The following KCNH7 variants were observed in gnomAD, a reference collection of about 807,000 sequenced individuals.
KCNH7 encodes potassium voltage-gated channel subfamily H member 7.
KCNH7 carries 49 observed loss-of-function variants against 120.8 expected under a neutral mutation model. The observed-to-expected ratio is 0.41, with a 90% CI of 0.32 to 0.51. KCNH7 has a LOEUF of 0.51. KCNH7 is among the 20% of genes least tolerant of loss of function. The pLI is 0.38. For synonymous variants in KCNH7, 547 were observed against 516.1 expected (o/e 1.06, Z -0.81); for missense variants, 1,097 against 1,446.6 (o/e 0.76, Z 3.92).
intron 2 of KCNH7, among the ~76,000 whole-genome samples, chr2:162,657,743 T>C (rs572910197): frequency 1.3e-5 from 2 of 152,294 alleles, no homozygotes; most frequent in African/African-American, 2.4e-5. Context: ...TGTTAGAAAC[T>C]GCCAAACTGT....
chr2:162,593,117 T>C (rs990618795), intron 2 of KCNH7, among the ~76,000 whole-genome samples: 5 of 152,118 alleles, frequency 3.3e-5, no homozygotes, highest in Admixed American at 6.6e-5. Flanking sequence ...TTCATAATCA[T>C]ATTTTTGGCA....
chr2:162,646,129 C>G (rs1330410056), intron 2 of KCNH7, among the ~76,000 whole-genome samples: 2 of 152,148 alleles, frequency 1.3e-5, no homozygotes, highest in African/African-American at 2.4e-5. Context: ...CCAGGAAAAA[C>G]AAGAAGAGAG....
chr2:162,836,645 C>T lies in KCNH7; in HGVS notation c.199G>A (p.Asp67Asn), dbSNP rs138091231. ...TTGGTCTCGGGTCCATGGAGAAAGT[C>T]GCAGGTGCATGGCTTTTGCATGACA... ...PDVMQKPCTC[D>N]FLHGPETKRH... Residue 67 changes from aspartate to asparagine, a missense_variant, in exon 2 of 16, where the codon GAC (aspartate) becomes AAC (asparagine). Asp to Asn is a conservative substitution (Grantham distance 23, BLOSUM62 1). Coordinates refer to ENST00000332142, the MANE Select transcript of KCNH7 (RefSeq NM_033272.4). 4.6e-5 allele frequency: 75 copies of T among 1,614,088 alleles called. No homozygotes were observed. In the Admixed American group the frequency reaches 1.2e-3, roughly 26 times the overall value.
intron 2 of KCNH7, among the ~76,000 whole-genome samples, chr2:162,641,824 ATC>A (rs1684168062): frequency 7.1e-6 from 1 of 140,576 alleles, no homozygotes; most frequent in African/African-American, 2.9e-5. Flanking sequence ...TGGAAATGGG[ATC>A]TCTCTACATT....
intron 13 of KCNH7, among the ~76,000 whole-genome samples, chr2:162,383,091 T>A (rs1686470988): frequency 6.6e-6 from 1 of 151,942 alleles, no homozygotes; most frequent in South Asian, 2.1e-4. Context: ...GCATGAGAAT[T>A]CATTGTCAGT....
chr2:162,434,114 T>C (rs901170884), intron 8 of KCNH7, among the ~76,000 whole-genome samples: 1 of 152,016 alleles, frequency 6.6e-6, no homozygotes, highest in Non-Finnish European at 1.5e-5. Flanking sequence ...TTATCCTAAG[T>C]GAATTAATAC....
At chr2:162,790,393 G>A (rs139354938) in intron 2 of KCNH7, among the ~76,000 whole-genome samples, 2,419 of 151,962 alleles carry the variant, frequency 0.016, 59 homozygotes, top group African/African-American at 0.05. Context: ...CTTCTCTGGT[G>A]AATTCTACCA....
At chr2:162,409,187 A>G (rs1687315901) in intron 9 of KCNH7, among the ~76,000 whole-genome samples, 1 of 151,912 alleles carries the variant, frequency 6.6e-6, no homozygotes, top group South Asian at 2.1e-4. Context: ...AATCTTTCAA[A>G]GATCTGCTGA....
rs1469804640 is a variant in KCNH7, at chr2:162,630,921, C to G, written c.308-93841G>C. The stretch of plus-strand genomic sequence containing the variant: ...CCAGTCTAATCTCCCCGATCAGGTT[C>G]CAGGTAGCTGGGAGAGTCCTGGCAT... On this transcript the variant is annotated intron_variant, in intron 2 of 15. Coordinates refer to ENST00000332142, the MANE Select transcript of KCNH7 (RefSeq NM_033272.4). 1.3e-5 allele frequency among the ~76,000 whole-genome samples: 2 copies of G among 152,072 alleles called. 1 individual carries two copies. Among genetic ancestry groups the G allele is most frequent in the African/African-American group, 4.8e-5 (2 of 41,426 alleles).
intron 12 of KCNH7, among the ~76,000 whole-genome samples, chr2:162,385,859 G>C (rs1007693161): frequency 6.6e-6 from 1 of 151,892 alleles, no homozygotes; most frequent in Non-Finnish European, 1.5e-5. Context: ...CCATGCCAGA[G>C]AAACTTCCAA....
chr2:162,608,641 G>C (rs1352042838), intron 2 of KCNH7, among the ~76,000 whole-genome samples: 1 of 152,062 alleles, frequency 6.6e-6, no homozygotes, highest in East Asian at 1.9e-4. Context: ...TCCGCTGAAG[G>C]TTCCATGCAT....
rs890878468 is a variant in KCNH7 at position 162,639,838 on chromosome 2, G to A, written c.308-102758C>T. ...ACACAAAAATCCTAAGGAATCTGCC[G>A]AAAATCCCTCCTGAACTAATAAATG... On this transcript the variant is annotated intron_variant, in intron 2 of 15. Coordinates refer to ENST00000332142, the MANE Select transcript of KCNH7 (RefSeq NM_033272.4). Among the ~76,000 whole-genome samples, 5 of 151,940 alleles carry A rather than the reference G, an allele frequency of 3.3e-5. 1 individual carries two copies. Among genetic ancestry groups the A allele is most frequent in the South Asian group, 2.1e-4 (1 of 4,818 alleles).
intron 2 of KCNH7, among the ~76,000 whole-genome samples, chr2:162,560,080 C>T (rs1693009030): frequency 1.3e-5 from 2 of 152,276 alleles, no homozygotes; most frequent in South Asian, 4.1e-4. Context: ...TGATAAACTT[C>T]GAAAAGTAGA....
chr2:162,577,344 C>CTTT (rs1559025375), intron 2 of KCNH7, among the ~76,000 whole-genome samples: 1 of 121,078 alleles, frequency 8.3e-6, no homozygotes, highest in Non-Finnish European at 1.7e-5. Flanking sequence ...TATCATCTAT[C>CTTT]CATCCTATCT....
chr2:162,624,820 T>C (rs982238679), intron 2 of KCNH7, among the ~76,000 whole-genome samples: 1 of 151,104 alleles, frequency 6.6e-6, no homozygotes, highest in Non-Finnish European at 1.5e-5. Context: ...TGAGCAATGA[T>C]TCATATTACG....
At chr2:162,407,385 C>T (rs921409830) in intron 9 of KCNH7, among the ~76,000 whole-genome samples, 2 of 151,974 alleles carry the variant, frequency 1.3e-5, no homozygotes, top group African/African-American at 4.8e-5. Flanking sequence ...AACAGCATAA[C>T]TATGAGATGT....
intron 6 of KCNH7, among the ~76,000 whole-genome samples, chr2:162,481,032 G>A (rs1405598011): frequency 6.6e-6 from 1 of 152,106 alleles, no homozygotes; most frequent in Non-Finnish European, 1.5e-5. Flanking sequence ...CTTCCTTCGT[G>A]TTTTAATGTC....
intron 2 of KCNH7, among the ~76,000 whole-genome samples, chr2:162,597,068 CA>C (rs1472345035): frequency 1.3e-5 from 2 of 151,998 alleles, no homozygotes; most frequent in African/African-American, 2.4e-5. Context: ...AGGATGTGGA[CA>C]AAAGTCCGAG....
chr2:162,787,048 G>A (rs984495780), intron 2 of KCNH7, among the ~76,000 whole-genome samples: 1 of 152,222 alleles, frequency 6.6e-6, no homozygotes, highest in African/African-American at 2.4e-5. Context: ...AATGGATCGA[G>A]CAATGAGTTC....
Sources: gnomAD v4.1 joint callset for allele counts (sites outside exome capture counted in the v4.1 genomes callset) on GRCh38, gnomAD v4.1.1 for gene constraint, MANE v1.5 for transcripts, NCBI Gene and HGNC (gene_info 2026-07-23, HGNC 2026-07-21) for gene names.